STARD13: variants seen among roughly 807,000 people sequenced by gnomAD.
STARD13 encodes StAR related lipid transfer domain containing 13, also known as stAR-related lipid transfer protein 13.
STARD13 carries 62 observed loss-of-function variants against 106.4 expected under a neutral mutation model. The observed-to-expected ratio is 0.58, with a 90% CI of 0.48 to 0.72. STARD13 has a LOEUF of 0.72. Among genes scored for constraint, STARD13 ranks in the 30% least tolerant of loss-of-function variants. STARD13 has a pLI of 0.00. For synonymous variants in STARD13, 565 were observed against 553.0 expected (o/e 1.02, Z -0.31); for missense variants, 1,387 against 1,424.0 (o/e 0.97, Z 0.42).
chr13:33,212,478 G>T (rs2764625), intron 1 of STARD13, among the ~76,000 whole-genome samples: 1 of 152,064 alleles, frequency 6.6e-6, no homozygotes, highest in Admixed American at 6.6e-5. Flanking sequence ...TGAGTTGCTT[G>T]GGCACACTGG....
At chr13:33,528,631 T>G in the STARD13 span, among the ~76,000 whole-genome samples, 1 of 152,136 alleles carries the variant, frequency 6.6e-6, no homozygotes, top group East Asian at 1.9e-4. Context: ...TCTCAGATCT[T>G]CCTATAACAG....
intron 1 of STARD13, among the ~76,000 whole-genome samples, chr13:33,178,015 G>A (rs55724200): frequency 1.7e-4 from 7 of 41,770 alleles, no homozygotes; most frequent in African/African-American, 2.7e-4. Context: ...GGAAGGAAAG[G>A]AAGGAAGGAA....
the STARD13 span, among the ~76,000 whole-genome samples, chr13:33,545,060 G>A: frequency 6.6e-6 from 1 of 152,076 alleles, no homozygotes; most frequent in African/African-American, 2.4e-5. Context: ...GTTCAAGTGA[G>A]TCTTCTGCCT....
chr13:33,432,844 C>G, the STARD13 span, among the ~76,000 whole-genome samples: 1 of 151,940 alleles, frequency 6.6e-6, no homozygotes, highest in Non-Finnish European at 1.5e-5. Context: ...TAACTAATCT[C>G]AAAATGATTT....
At chr13:33,600,738 C>CT in the STARD13 span, among the ~76,000 whole-genome samples, 1 of 152,066 alleles carries the variant, frequency 6.6e-6, no homozygotes, top group Admixed American at 6.5e-5. Flanking sequence ...TATAAATCAG[C>CT]TTTTTAAAAA....
the STARD13 span, among the ~76,000 whole-genome samples, chr13:33,516,516 C>T: frequency 6.6e-6 from 1 of 152,002 alleles, no homozygotes; most frequent in African/African-American, 2.4e-5. Flanking sequence ...GAATCCATAT[C>T]CAAAGTTAAT....
the STARD13 span, among the ~76,000 whole-genome samples, chr13:33,506,764 T>C: frequency 6.6e-6 from 1 of 152,206 alleles, no homozygotes. Context: ...TTACCACTTG[T>C]TGAGTTTTGG....
At chr13:33,156,039 T>C (rs1239880098) in intron 3 of STARD13, among the ~76,000 whole-genome samples, 3 of 152,264 alleles carry the variant, frequency 2.0e-5, no homozygotes, top group African/African-American at 4.8e-5. Context: ...TGCAAATGAA[T>C]GACTGCCAAA....
chr13:33,134,091 G>C (rs1159549406), intron 4 of STARD13, among the ~76,000 whole-genome samples: 1 of 152,174 alleles, frequency 6.6e-6, no homozygotes, highest in Non-Finnish European at 1.5e-5. Flanking sequence ...GGACGTACCA[G>C]GGACATGGAG....
the STARD13 span, among the ~76,000 whole-genome samples, chr13:33,423,456 GA>G: frequency 4.8e-5 from 7 of 145,298 alleles, no homozygotes; most frequent in South Asian, 1.5e-3. Context: ...AGGTGCTGGA[GA>G]GGATGTGGAG....
At chr13:33,361,876 G>A in the STARD13 span, among the ~76,000 whole-genome samples, 2 of 152,078 alleles carry the variant, frequency 1.3e-5, no homozygotes, top group Non-Finnish European at 2.9e-5. Context: ...ATTTGGGTGG[G>A]GACACAGAGC....
chr13:33,233,836 G>A (rs1288282687), intron 1 of STARD13, among the ~76,000 whole-genome samples: 1 of 152,226 alleles, frequency 6.6e-6, no homozygotes, highest in African/African-American at 2.4e-5. Context: ...TGGTCTGGAT[G>A]CAGGCCCTGC....
At chr13:33,254,505 G>C (rs956987417) in intron 1 of STARD13, among the ~76,000 whole-genome samples, 2 of 152,284 alleles carry the variant, frequency 1.3e-5, no homozygotes, top group Middle Eastern at 3.4e-3. Context: ...TGGATACCAG[G>C]GGGTGATTCC....
the STARD13 span, among the ~76,000 whole-genome samples, chr13:33,424,232 T>G: frequency 5.3e-5 from 8 of 152,214 alleles, no homozygotes; most frequent in Non-Finnish European, 1.2e-4. Context: ...TTACCCATTA[T>G]AAAGTTCTGA....
chr13:33,293,740 C>T (rs7989690), intron 1 of STARD13, among the ~76,000 whole-genome samples: 2,288 of 152,230 alleles, frequency 0.015, 57 homozygotes, highest in African/African-American at 0.051. Flanking sequence ...GGCAGAAAAA[C>T]GTGAAAGGAA....
intron 1 of STARD13, among the ~76,000 whole-genome samples, chr13:33,285,242 C>T (rs1199368960): frequency 1.3e-5 from 2 of 152,032 alleles, no homozygotes; most frequent in African/African-American, 4.8e-5. Context: ...ATTCACTGTC[C>T]CACCGTGAAG....
chr13:33,167,916 T>C (rs1242000819), intron 1 of STARD13, among the ~76,000 whole-genome samples: 1 of 151,322 alleles, frequency 6.6e-6, no homozygotes, highest in Admixed American at 6.6e-5. Context: ...CAGGGAAAAA[T>C]GTCTTATTTA....
the STARD13 span, among the ~76,000 whole-genome samples, chr13:33,455,271 G>A: frequency 3.9e-5 from 6 of 152,316 alleles, no homozygotes; most frequent in African/African-American, 7.2e-5. Context: ...TAAGTGTCAC[G>A]ATAGTGGAAA....
chr13:33,460,890 G>C, the STARD13 span, among the ~76,000 whole-genome samples: 1 of 152,146 alleles, frequency 6.6e-6, no homozygotes, highest in African/African-American at 2.4e-5. Context: ...CATACAATGA[G>C]ATACTACTCT....
Sources: allele counts gnomAD v4.1 joint callset (sites outside exome capture counted in the v4.1 genomes callset), GRCh38; gene constraint gnomAD v4.1.1; transcripts MANE v1.5; gene names NCBI Gene and HGNC (gene_info 2026-07-23, HGNC 2026-07-21).